The following SLC4A4 variants were observed in gnomAD, a reference collection of about 807,000 sequenced individuals.
SLC4A4 encodes the protein electrogenic sodium bicarbonate cotransporter 1.
In SLC4A4, 27 loss-of-function variants were observed where a neutral mutation model predicts 111.5. The ratio of observed to expected loss-of-function variants is 0.24; its 90% CI spans 0.18 to 0.33. SLC4A4 has a LOEUF of 0.33. Among genes scored for constraint, SLC4A4 ranks in the 10% least tolerant of loss-of-function variants. SLC4A4 has a pLI of 1.00. For synonymous variants in SLC4A4, 443 were observed against 463.4 expected, an observed-to-expected ratio of 0.96 and a Z score of 0.57; for missense variants, 909 against 1,315.5, an observed-to-expected ratio of 0.69 and a Z score of 4.78.
At chr4:71,327,644 T>C (rs1370619171) in intron 3 of SLC4A4, among the ~76,000 whole-genome samples, 1 of 152,006 alleles carries the variant, frequency 6.6e-6, no homozygotes, top group Non-Finnish European at 1.5e-5. Context: ...TATAGTTTTA[T>C]CCATAGCATT....
chr4:71,099,990 C>A (rs1452463341), intron 2 of SLC4A4, among the ~76,000 whole-genome samples: 3 of 152,038 alleles, frequency 2.0e-5, no homozygotes, highest in Non-Finnish European at 4.4e-5. Flanking sequence ...TAGCCCAGGA[C>A]CAGAGAGATT....
intron 3 of SLC4A4, among the ~76,000 whole-genome samples, chr4:71,274,137 A>G (rs766904832): frequency 2.6e-5 from 4 of 152,240 alleles, no homozygotes; most frequent in Non-Finnish European, 5.9e-5. Flanking sequence ...TACTGTATTC[A>G]TATAATAAAG....
At chr4:71,390,808 G>A (rs1436196491) in intron 6 of SLC4A4, among the ~76,000 whole-genome samples, 1 of 152,024 alleles carries the variant, frequency 6.6e-6, no homozygotes, top group African/African-American at 2.4e-5. Flanking sequence ...AGTGAGATTG[G>A]CATTATGAGA....
At chr4:71,207,485 A>G (rs1287727876) in intron 1 of SLC4A4, among the ~76,000 whole-genome samples, 1 of 152,268 alleles carries the variant, frequency 6.6e-6, no homozygotes, top group Non-Finnish European at 1.5e-5. Context: ...CTTAACAACT[A>G]TGATTTCCCA....
At chr4:71,484,292 T>C (rs1729167870) in intron 14 of SLC4A4, among the ~76,000 whole-genome samples, 1 of 151,836 alleles carries the variant, frequency 6.6e-6, no homozygotes, top group African/African-American at 2.4e-5. Flanking sequence ...TCTTCTAGGG[T>C]TTTTATAGTC....
At chr4:71,390,002 G>A (rs1350770553) in intron 6 of SLC4A4, among the ~76,000 whole-genome samples, 2 of 152,162 alleles carry the variant, frequency 1.3e-5, no homozygotes, top group Non-Finnish European at 2.9e-5. Context: ...CTGATGATAT[G>A]TTTATAATAA....
intron 1 of SLC4A4, among the ~76,000 whole-genome samples, chr4:71,194,315 A>G (rs1745888274): frequency 6.6e-6 from 1 of 152,172 alleles, no homozygotes; most frequent in Admixed American, 6.5e-5. Flanking sequence ...TTGTTATTGT[A>G]TTCTTCAACA....
intron 1 of SLC4A4, among the ~76,000 whole-genome samples, chr4:71,091,271 G>C (rs1199063494): frequency 2.8e-5 from 2 of 71,806 alleles, no homozygotes; most frequent in Non-Finnish European, 5.8e-5. Flanking sequence ...TTTTTTTTTT[G>C]AGCCGGAGTC....
At chr4:71,131,930 A>AATT (rs1743717646) in intron 2 of SLC4A4, among the ~76,000 whole-genome samples, 1 of 152,004 alleles carries the variant, frequency 6.6e-6, no homozygotes, top group Admixed American at 6.6e-5. Context: ...TACCATTGTT[A>AATT]ATTATTATTA....
chr4:71,217,606 T>C (rs1182516146), intron 1 of SLC4A4, among the ~76,000 whole-genome samples: 1 of 152,046 alleles, frequency 6.6e-6, no homozygotes, highest in Non-Finnish European at 1.5e-5. Context: ...GAAATGGCAT[T>C]TATGTAGCTT....
At chr4:71,494,799 G>C (rs1282424711) in intron 15 of SLC4A4, among the ~76,000 whole-genome samples, 1 of 151,980 alleles carries the variant, frequency 6.6e-6, no homozygotes, top group Non-Finnish European at 1.5e-5. Context: ...TTGAACATCA[G>C]GTGTAGCAGT....
chr4:71,446,865 A>G (rs1034112776), intron 8 of SLC4A4, among the ~76,000 whole-genome samples: 1 of 152,246 alleles, frequency 6.6e-6, no homozygotes, highest in African/African-American at 2.4e-5. Flanking sequence ...CACAGTGCCA[A>G]CATGCCACAG....
intron 8 of SLC4A4, among the ~76,000 whole-genome samples, 167 bp downstream of exon 8, chr4:71,440,940 T>G (rs2149058800): frequency 6.6e-6 from 1 of 152,342 alleles, no homozygotes; most frequent in South Asian, 2.1e-4. Flanking sequence ...TTCTTGGCAC[T>G]TATATAGTAA....
chr4:71,206,054 G>C (rs1429904235), intron 1 of SLC4A4, among the ~76,000 whole-genome samples: 1 of 152,202 alleles, frequency 6.6e-6, no homozygotes. Flanking sequence ...CATTTGGGAA[G>C]TAGGATAATT....
At chr4:71,423,623 G>A (rs2149028225) in intron 7 of SLC4A4, among the ~76,000 whole-genome samples, 1 of 152,190 alleles carries the variant, frequency 6.6e-6, no homozygotes, top group African/African-American at 2.4e-5. Flanking sequence ...AAACAGCATG[G>A]TACTGGTACC....
chr4:71,343,821 C>A (rs1729087890), intron 4 of SLC4A4, among the ~76,000 whole-genome samples: 1 of 152,082 alleles, frequency 6.6e-6, no homozygotes. Context: ...TTCATTTCCT[C>A]TGCTTCACTC....
At chr4:71,522,525 G>A (rs1733044528) in intron 16 of SLC4A4, among the ~76,000 whole-genome samples, 1 of 152,174 alleles carries the variant, frequency 6.6e-6, no homozygotes, top group Non-Finnish European at 1.5e-5. Flanking sequence ...CAGCAGTATT[G>A]GGACTAGTAG....
chr4:71,561,670 T>C (rs1322163277), intron 23 of SLC4A4, among the ~76,000 whole-genome samples: 1 of 151,812 alleles, frequency 6.6e-6, no homozygotes, highest in Non-Finnish European at 1.5e-5. Context: ...ATAGATTTTG[T>C]TTCCAATGAT....
chr4:71,423,643 A>T (rs1299564138), intron 7 of SLC4A4, among the ~76,000 whole-genome samples: 3 of 152,306 alleles, frequency 2.0e-5, no homozygotes, highest in African/African-American at 7.2e-5. Flanking sequence ...CAAAACAGAG[A>T]TCTAGATCAA....
Sources: allele counts gnomAD v4.1 joint callset (sites outside exome capture counted in the v4.1 genomes callset), GRCh38; gene constraint gnomAD v4.1.1; transcripts MANE v1.5; gene names NCBI Gene and HGNC (gene_info 2026-07-23, HGNC 2026-07-21).